The following SNX2 variants were observed in gnomAD, a reference collection of about 807,000 sequenced individuals.
The protein encoded by SNX2 is sorting nexin 2.
A neutral mutation model predicts 69.9 loss-of-function variants in SNX2; 25 were observed. The ratio of observed to expected loss-of-function variants is 0.36; its 90% CI spans 0.26 to 0.50. The LOEUF is 0.50. SNX2 is among the 20% of genes least tolerant of loss of function. The pLI, the probability that SNX2 is intolerant of heterozygous loss-of-function variation, is 0.97. For missense variants in SNX2, 551 were observed against 613.3 expected, an observed-to-expected ratio of 0.90 and a Z score of 1.07; for synonymous variants, 229 against 200.4, an observed-to-expected ratio of 1.14 and a Z score of -1.20.
At chr5:122,822,491 C>G (rs763307007) in intron 11 of SNX2, among the ~76,000 whole-genome samples, 4 of 152,126 alleles carry the variant, frequency 2.6e-5, no homozygotes, top group Non-Finnish European at 5.9e-5. Context: ...TTGGTTTTAT[C>G]CATATCGAGC....
At chr5:122,776,126 G>A (rs561801924) in intron 1 of SNX2, among the ~76,000 whole-genome samples, 1 of 152,288 alleles carries the variant, frequency 6.6e-6, no homozygotes, top group East Asian at 1.9e-4. Flanking sequence ...TAAAATGTAT[G>A]AAATTTCCCA....
chr5:122,791,599 T>G (rs1753240527), intron 1 of SNX2, among the ~76,000 whole-genome samples: 1 of 152,162 alleles, frequency 6.6e-6, no homozygotes, highest in Non-Finnish European at 1.5e-5. Context: ...GTATTTTTAG[T>G]AGAGACGAGA....
At chr5:122,802,276 G>T in intron 5 of SNX2, 152 bp downstream of exon 5, 1 of 724,836 alleles carries the variant, frequency 1.4e-6, no homozygotes. Context: ...AGTTGTGAGT[G>T]GTTTGATATG....
chr5:122,814,718 G>A (rs925714289), intron 7 of SNX2, among the ~76,000 whole-genome samples: 6 of 151,088 alleles, frequency 4.0e-5, no homozygotes, highest in Non-Finnish European at 7.4e-5. Flanking sequence ...AAATATTACT[G>A]CATATGGTTA....
At chr5:122,806,231 T>C (rs940397645) in intron 6 of SNX2, among the ~76,000 whole-genome samples, 1 of 151,392 alleles carries the variant, frequency 6.6e-6, no homozygotes, top group Non-Finnish European at 1.5e-5. Context: ...ATAGAGAAAT[T>C]ATCAGGAAAA....
chr5:122,818,803 T>G lies in SNX2; in HGVS notation c.1007-15T>G. The G allele has an allele frequency of 6.2e-7, 1 of 1,604,614 alleles. No homozygotes were observed. The highest frequency in any genetic ancestry group is 8.5e-7 in the Non-Finnish European group (1 of 1,176,734). ...GAGTGAACACTAAAATTGCATACTT[T>G]TTTTTAAATTTCAGAACTTTCAGCC... On this transcript the variant is annotated splice_polypyrimidine_tract_variant and intron_variant, in intron 10 of 14. Coordinates refer to ENST00000379516, the MANE Select transcript of SNX2 (RefSeq NM_003100.4).
At chr5:122,821,827 G>A (rs953150762) in intron 11 of SNX2, among the ~76,000 whole-genome samples, 3 of 152,018 alleles carry the variant, frequency 2.0e-5, no homozygotes, top group Non-Finnish European at 4.4e-5. Context: ...TTATAGTCTA[G>A]TCTTTTAAAA....
At position 122,827,402 on chromosome 5, in the gene SNX2, G is replaced by A. The variant is rs1754175348; in HGVS notation, c.1380G>A (p.Gly460=). The A allele has an allele frequency of 2.5e-6, 4 of 1,613,384 alleles. No homozygotes were observed. Among genetic ancestry groups the A allele is most frequent in the Non-Finnish European group, 2.5e-6 (3 of 1,179,592 alleles). The part of the protein sequence containing the change: ...IREWEAKVQQ[G]ERDFEQISKT... The stretch of plus-strand genomic sequence containing the variant: ...AGTGGGAGGCGAAAGTGCAACAAGG[G>A]GAAAGAGATTTTGAACAGATATCTA... The change falls in exon 13 of 15, where the codon GGG becomes GGA. Residue 460 remains glycine (G), a synonymous_variant. Transcript: ENST00000379516.
intron 6 of SNX2, among the ~76,000 whole-genome samples, chr5:122,805,450 G>A (rs538931849): frequency 5.9e-4 from 90 of 151,946 alleles, no homozygotes; most frequent in Non-Finnish European, 1.1e-3. Context: ...TTAAATTATT[G>A]TTTTTACTTT....
At chr5:122,806,142 G>GCGCACGCGCGCGCACA in intron 6 of SNX2, among the ~76,000 whole-genome samples, 5 of 130,584 alleles carry the variant, frequency 3.8e-5, no homozygotes, top group African/African-American at 5.8e-5. Flanking sequence ...ACACGCGCGC[G>GCGCACGCGCGCGCACA]CACACACACA....
At chr5:122,788,445 C>G (rs1657501406) in intron 1 of SNX2, among the ~76,000 whole-genome samples, 2 of 152,158 alleles carry the variant, frequency 1.3e-5, no homozygotes, top group African/African-American at 4.8e-5. Flanking sequence ...GAAATTTCAG[C>G]TACTGTTTCT....
chr5:122,790,940 G>T (rs187814576), intron 1 of SNX2, among the ~76,000 whole-genome samples: 1 of 152,154 alleles, frequency 6.6e-6, no homozygotes, highest in South Asian at 2.1e-4. Flanking sequence ...TCTTGTTCCT[G>T]ATCTTACTGG....
Position 122,775,205 on chromosome 5 carries a change from C to T in SNX2, c.102C>T (p.Thr34=). Residue 34 remains threonine (T), a synonymous_variant, in exon 1 of 15, where the codon ACC becomes ACT. Coordinates refer to ENST00000379516, the MANE Select transcript of SNX2 (RefSeq NM_003100.4). The stretch of plus-strand genomic sequence containing the variant: ...ACCTGTTCACCAGCACTGTCTCCAC[C>T]CTAGAGGTGAGACCGCGTCGCTGCG... ...GEDLFTSTVS[T]LESSPSSPEP... The T allele has an allele frequency of 6.4e-7, 1 of 1,569,908 alleles. No homozygotes were observed. The highest frequency in any genetic ancestry group is 8.6e-7 in the Non-Finnish European group (1 of 1,158,512).
At chr5:122,813,767 CTTTTTTTTTTT>C (rs546503535) in intron 7 of SNX2, among the ~76,000 whole-genome samples, 1 of 115,364 alleles carries the variant, frequency 8.7e-6, no homozygotes, top group East Asian at 2.7e-4. Flanking sequence ...AGAATATTTC[CTTTTTTTTTTT>C]TTTTTTTTTT....
Position 122,775,103 on chromosome 5 carries a change from G to A in SNX2, c.-1G>A. The A allele has an allele frequency of 6.3e-7, 1 of 1,584,448 alleles. No homozygotes were observed. The highest frequency in any genetic ancestry group is 8.6e-7 in the Non-Finnish European group (1 of 1,166,938). Reference sequence around the variant, plus strand: ...TCGCGCAGTCGTTCGGGTGAGCGAAGATGGCGGCCGAGAGGGAACCTCCTC... The same window carrying A: ...TCGCGCAGTCGTTCGGGTGAGCGAAAATGGCGGCCGAGAGGGAACCTCCTC... On this transcript the variant is annotated 5_prime_UTR_variant, in exon 1 of 15. Coordinates refer to ENST00000379516, the MANE Select transcript of SNX2 (RefSeq NM_003100.4).
chr5:122,821,287 A>G (rs1414289016), intron 11 of SNX2, among the ~76,000 whole-genome samples: 3 of 152,214 alleles, frequency 2.0e-5, no homozygotes, highest in South Asian at 2.1e-4. Flanking sequence ...AGAATTAGCT[A>G]TGCATGTACA....
At chr5:122,824,576 C>T (rs945407815) in intron 11 of SNX2, among the ~76,000 whole-genome samples, 1 of 152,206 alleles carries the variant, frequency 6.6e-6, no homozygotes, top group African/African-American at 2.4e-5. Context: ...GGTGCTTTGA[C>T]TGCCAGTTTG....
chr5:122,812,882 G>A (rs1753812055), intron 7 of SNX2, among the ~76,000 whole-genome samples: 1 of 152,162 alleles, frequency 6.6e-6, no homozygotes, highest in Admixed American at 6.5e-5. Context: ...TTAGTTTCAA[G>A]CAAGATAAAT....
Position 122,801,871 on chromosome 5 carries a change from TGAA to T in SNX2, c.401_403del (p.Glu134del), listed in dbSNP as rs753341836. 41 of 1,575,770 alleles carry T rather than the reference TGAA, an allele frequency of 2.6e-5. No individual in the cohort carries two copies. The highest frequency in any genetic ancestry group is 8.1e-5 in the South Asian group (7 of 86,494). ...AAAAAATAATTTATACTTTCTAGAT[TGAA>T]GAAGAAGCAAATGGAGACATTTTTG... On this transcript the variant is annotated inframe_deletion, in exon 4 of 15. Transcript: ENST00000379516.
Sources: allele counts gnomAD v4.1 joint callset (sites outside exome capture counted in the v4.1 genomes callset), GRCh38; gene constraint gnomAD v4.1.1; transcripts MANE v1.5; gene names NCBI Gene and HGNC (gene_info 2026-07-23, HGNC 2026-07-21).